SEC14L5: variants seen among roughly 807,000 people sequenced by gnomAD.
SEC14L5 encodes the protein SEC14 like lipid binding 5.
Under a neutral mutation model 84.6 loss-of-function variants are expected in SEC14L5, and 96 were observed. That is an observed-to-expected ratio of 1.13 (90% confidence interval 0.96 to 1.34). The LOEUF (loss-of-function observed/expected upper bound fraction) is 1.34, where lower values mean the gene tolerates loss of function less well. Ranked by LOEUF, SEC14L5 falls within the 40% of genes most tolerant of loss-of-function variation. The pLI is 0.00. For missense variants in SEC14L5, 1,224 were observed against 942.5 expected, an observed-to-expected ratio of 1.30 and a Z score of -3.91; for synonymous variants, 546 against 383.4, an observed-to-expected ratio of 1.42 and a Z score of -4.95.
intron 2 of SEC14L5, among the ~76,000 whole-genome samples, chr16:4,973,027 C>T (rs1876574173): frequency 6.6e-6 from 1 of 152,200 alleles, no homozygotes; most frequent in African/African-American, 2.4e-5. Context: ...TCAGGGATGT[C>T]AGGGGCTGGT....
intron 2 of SEC14L5, 49 bp from the exon 3 acceptor site, chr16:4,987,508 G>GT: frequency 2.1e-6 from 3 of 1,445,168 alleles, no homozygotes; most frequent in South Asian, 1.3e-5. Flanking sequence ...GGGGGGGGGG[G>GT]TCCCTCTGCC....
chr16:5,003,619 G>GC, intron 11 of SEC14L5, 46 bp downstream of exon 11: 1 of 277,694 alleles, frequency 3.6e-6, no homozygotes. Context: ...GGGTGGGTGG[G>GC]ATGGGAGGGG....
chr16:4,999,095 C>T (rs541795543), intron 8 of SEC14L5, among the ~76,000 whole-genome samples: 10 of 152,146 alleles, frequency 6.6e-5, no homozygotes, highest in Non-Finnish European at 1.0e-4. Context: ...CACATTGTTG[C>T]ATTTTTGGGC....
At chr16:5,013,778 G>A (rs561798086) in intron 15 of SEC14L5, among the ~76,000 whole-genome samples, 7 of 151,910 alleles carry the variant, frequency 4.6e-5, no homozygotes, top group Admixed American at 1.3e-4. Context: ...GGCTGGTGTC[G>A]AACTCCTGGC....
At chr16:4,978,851 T>A (rs1284784943) in intron 2 of SEC14L5, among the ~76,000 whole-genome samples, 2 of 152,314 alleles carry the variant, frequency 1.3e-5, no homozygotes, top group Non-Finnish European at 2.9e-5. Context: ...TCTGCCCGCC[T>A]TGGCCTCCCA....
intron 4 of SEC14L5, 70 bp from the exon 5 acceptor site, chr16:4,990,697 G>T: frequency 6.8e-7 from 1 of 1,466,166 alleles, no homozygotes; most frequent in Non-Finnish European, 9.1e-7. Flanking sequence ...CAGGTCAGTG[G>T]GAGAGCCCTA....
intron 15 of SEC14L5, among the ~76,000 whole-genome samples, chr16:5,013,704 G>A (rs1194270854): frequency 6.6e-6 from 1 of 151,750 alleles, no homozygotes; most frequent in Non-Finnish European, 1.5e-5. Context: ...GATTACAGGT[G>A]CGTACCACCA....
At chr16:4,997,420 T>C (rs1357460323) in intron 8 of SEC14L5, among the ~76,000 whole-genome samples, 1 of 152,158 alleles carries the variant, frequency 6.6e-6, no homozygotes, top group Non-Finnish European at 1.5e-5. Context: ...TTAAATGCCA[T>C]GCTTCATGCT....
chr16:5,005,291 G>A (rs538462247), intron 11 of SEC14L5, among the ~76,000 whole-genome samples: 1 of 152,026 alleles, frequency 6.6e-6, no homozygotes, highest in Non-Finnish European at 1.5e-5. Context: ...CTCAAGCCTG[G>A]GAGACAGAGC....
chr16:5,007,059 G>T (rs1161480484), intron 12 of SEC14L5, among the ~76,000 whole-genome samples: 4 of 152,298 alleles, frequency 2.6e-5, no homozygotes, highest in African/African-American at 7.2e-5. Flanking sequence ...TGAGCATGGG[G>T]CTGTGACGAA....
At position 5,016,475 on chromosome 16, in the gene SEC14L5, C is replaced by A. The variant is rs1955876207; in HGVS notation, c.*1505C>A. 1 of 152,224 alleles carries A rather than the reference C, an allele frequency of 6.6e-6. No homozygotes were observed. Among genetic ancestry groups the A allele is most frequent in the Non-Finnish European group, 1.5e-5 (1 of 68,050 alleles). 9.4% of individuals were successfully genotyped at this position (152,224 alleles called of 1,614,324 possible). ...TGGGGTCACTATTGTTGCATGAAGA[C>A]AACACCTCTGCACCCCTGGATGTGG... On this transcript the variant is annotated 3_prime_UTR_variant, in exon 16 of 16. Coordinates refer to ENST00000251170, the MANE Select transcript of SEC14L5 (RefSeq NM_014692.2).
intron 4 of SEC14L5, among the ~76,000 whole-genome samples, chr16:4,988,529 A>T (rs961487958): frequency 6.6e-6 from 1 of 152,286 alleles, no homozygotes; most frequent in Admixed American, 6.5e-5. Flanking sequence ...TTTATTTGAA[A>T]TTCAAACGTG....
chr16:4,991,784 A>AC (rs961658060), intron 5 of SEC14L5, 54 bp from the exon 6 acceptor site: 23 of 1,291,972 alleles, frequency 1.8e-5, no homozygotes, highest in African/African-American at 3.0e-5. Flanking sequence ...TGATCCTGTG[A>AC]CCCCCCTCCA....
At position 5,016,301 on chromosome 16, in the gene SEC14L5, G is replaced by C. The variant is rs192051986; in HGVS notation, c.*1331G>C. 6.6e-6 allele frequency: 1 copy of C among 152,276 alleles called. No homozygotes were observed. Among genetic ancestry groups the C allele is most frequent in the East Asian group, 1.9e-4 (1 of 5,186 alleles). 9.4% of individuals were successfully genotyped at this position (152,276 alleles called of 1,614,324 possible). On this transcript the variant is annotated 3_prime_UTR_variant, in exon 16 of 16. Coordinates refer to ENST00000251170, the MANE Select transcript of SEC14L5 (RefSeq NM_014692.2). ...TTTCCTTTCCTGGACTCCCCAAAAG[G>C]CAGCCAGTCAGGGGTCACCAACTTG... is the stretch of plus-strand genomic sequence containing the variant.
intron 2 of SEC14L5, among the ~76,000 whole-genome samples, chr16:4,973,590 T>C (rs561858554): frequency 5.9e-5 from 9 of 151,924 alleles, no homozygotes; most frequent in Middle Eastern, 3.2e-3. Flanking sequence ...TGATGCACGA[T>C]GCAACACAGA....
rs1555530444 is a variant in SEC14L5 at position 4,998,003 on chromosome 16, C to CCTTTTTTT, written c.970+959_970+960insCTTTTTTT. On this transcript the variant is annotated intron_variant, in intron 8 of 15. Transcript: ENST00000251170. Reference sequence around the variant, plus strand: ...AATTACACCTGCACAGACTCTAGTTCTTTTTTTTTTTTTTTTTTGAGACAG... The same window carrying CCTTTTTTT: ...AATTACACCTGCACAGACTCTAGTTCCTTTTTTTTTTTTTTTTTTTTTTTTTGAGACAG... 1.5e-4 allele frequency among the ~76,000 whole-genome samples: 12 copies of CCTTTTTTT among 77,896 alleles called. 5 individuals carry two copies. The highest frequency in any genetic ancestry group is 1.0e-4 in the African/African-American group (2 of 19,360). The allele number at this position is 77,896 out of a possible 152,430, so 51.1% of individuals were successfully genotyped here.
intron 1 of SEC14L5, 44 bp from the exon 2 acceptor site, chr16:4,959,229 C>A: frequency 2.2e-6 from 2 of 929,446 alleles, no homozygotes; most frequent in East Asian, 2.4e-5. Flanking sequence ...GTCCCTGCTT[C>A]CCGAGGTGGG....
At chr16:5,000,829 T>G in intron 9 of SEC14L5, 26 bp from the exon 10 acceptor site, 13 of 1,590,580 alleles carry the variant, frequency 8.2e-6, no homozygotes, top group African/African-American at 1.3e-5. Context: ...AGGCGGACGT[T>G]GAGCAGCACT....
intron 10 of SEC14L5, among the ~76,000 whole-genome samples, chr16:5,001,605 G>T (rs1955679005): frequency 6.6e-6 from 1 of 151,978 alleles, no homozygotes; most frequent in Non-Finnish European, 1.5e-5. Context: ...TTCTCCCTTG[G>T]CTCTGTCATG....
Sources: allele counts gnomAD v4.1 joint callset (sites outside exome capture counted in the v4.1 genomes callset), GRCh38; gene constraint gnomAD v4.1.1; transcripts MANE v1.5; gene names NCBI Gene and HGNC (gene_info 2026-07-23, HGNC 2026-07-21).